SALL3: variants seen among roughly 807,000 people sequenced by gnomAD.
The protein encoded by SALL3 is spalt like transcription factor 3.
In SALL3, 25 loss-of-function variants were observed where a neutral mutation model predicts 66.2. That is an observed-to-expected ratio of 0.38 (90% CI 0.28 to 0.53). The LOEUF (loss-of-function observed/expected upper bound fraction) is 0.53, where lower values mean the gene tolerates loss of function less well. SALL3 is among the 20% of genes least tolerant of loss of function. SALL3 has a pLI of 0.85. For synonymous variants in SALL3, 1,152 were observed against 899.1 expected, an observed-to-expected ratio of 1.28 and a Z score of -5.03; for missense variants, 2,194 against 1,916.5, an observed-to-expected ratio of 1.14 and a Z score of -2.70.
chr18:78,988,795 C>A (rs908810927), intron 1 of SALL3, among the ~76,000 whole-genome samples: 1 of 152,172 alleles, frequency 6.6e-6, no homozygotes, highest in African/African-American at 2.4e-5. Context: ...TTTATACACA[C>A]CTCAATAGAA....
rs1914767343 is a variant in SALL3, at chr18:78,998,280, A to T, written c.*958A>T. 6.6e-6 allele frequency: 1 copy of T among 151,746 alleles called. No individual in the cohort carries two copies. The highest frequency in any genetic ancestry group is 2.4e-5 in the African/African-American group (1 of 40,990). 9.4% of individuals were successfully genotyped at this position (151,746 alleles called of 1,614,324 possible). ...TTTTGTATTAGGGAGGTTTGTCTAT[A>T]ATTTGAAAATTTAAAAAAATGTAAA... On this transcript the variant is annotated 3_prime_UTR_variant, in exon 3 of 3. Coordinates refer to ENST00000537592, the MANE Select transcript of SALL3 (RefSeq NM_171999.4).
chr18:78,981,729 T>TA (rs1475392247), intron 1 of SALL3, among the ~76,000 whole-genome samples: 1 of 152,134 alleles, frequency 6.6e-6, no homozygotes, highest in Non-Finnish European at 1.5e-5. Flanking sequence ...ATATGGTGGG[T>TA]AGATTAAGGA....
chr18:78,989,070 A>T (rs1448564588), intron 1 of SALL3, among the ~76,000 whole-genome samples: 1 of 152,212 alleles, frequency 6.6e-6, no homozygotes, highest in Non-Finnish European at 1.5e-5. Flanking sequence ...TTTTACTTTG[A>T]AAAGAATATC....
Position 78,980,374 on chromosome 18 carries a change from G to T in SALL3, c.82+18G>T. On this transcript the variant is annotated intron_variant, in intron 1 of 2. Transcript: ENST00000537592. ...CGAGCACGGTGAGGGCCGGGGCTGCGGGGTGGCCGGGGGGTCTGGGGCTGC... is the reference window on the plus strand; with the variant it reads ...CGAGCACGGTGAGGGCCGGGGCTGCTGGGTGGCCGGGGGGTCTGGGGCTGC... 7.2e-7 allele frequency: 1 copy of T among 1,390,532 alleles called. No individual in the cohort carries two copies. The highest frequency in any genetic ancestry group is 9.4e-7 in the Non-Finnish European group (1 of 1,061,730). The allele number at this position is 1,390,532 out of a possible 1,614,324, so 86.1% of individuals were successfully genotyped here.
At position 78,994,193 on chromosome 18, in the gene SALL3, C is replaced by T. The variant is rs752301302; in HGVS notation, c.2202C>T (p.Pro734=). ...THFGVHRAKP[P]LRVQHSCPIC... ...TCGGCGTGCACCGTGCAAAGCCGCC[C>T]CTGCGCGTGCAGCACTCCTGCCCCA... The change falls in exon 2 of 3, where the codon CCC becomes CCT. Residue 734 remains proline, a synonymous_variant. Coordinates refer to ENST00000537592, the MANE Select transcript of SALL3 (RefSeq NM_171999.4). The T allele has an allele frequency of 2.0e-5, 33 of 1,613,442 alleles. No individual in the cohort carries two copies. Among genetic ancestry groups the T allele is most frequent in the Non-Finnish European group, 2.7e-5 (32 of 1,179,984 alleles).
chr18:78,994,711 C>T lies in SALL3; in HGVS notation c.2720C>T (p.Pro907Leu). 1 of 1,604,572 alleles carries T rather than the reference C, an allele frequency of 6.2e-7. No individual in the cohort carries two copies. Among genetic ancestry groups the T allele is most frequent in the East Asian group, 2.2e-5 (1 of 44,828 alleles). ...SESSSSQALSPAPSNGESFRS... is the reference protein window; with the variant it reads ...SESSSSQALSLAPSNGESFRS... ...TCCTCGTCCTCGCAGGCCCTGTCGC[C>T]GGCCCCCAGCAATGGTGAGAGCTTC... Residue 907 changes from proline to leucine, a missense_variant, in exon 2 of 3, where the codon CCG becomes CTG. Coordinates refer to ENST00000537592, the MANE Select transcript of SALL3 (RefSeq NM_171999.4).
rs200251281 is a variant in SALL3, at chr18:78,992,212, C to T, written c.221C>T (p.Thr74Ile). The change falls in exon 2 of 3, where the codon ACC (threonine) becomes ATC (isoleucine). Residue 74 changes from threonine (T) to isoleucine (I), a missense_variant. Thr to Ile is a moderately conservative substitution (Grantham distance 89). Coordinates refer to ENST00000537592, the MANE Select transcript of SALL3 (RefSeq NM_171999.4). ...TTCCTGGAGCACCAGCGGAGCTGCA[C>T]CAAGCTCCCGCCCGTGCTGATCGTG... ...ADFLEHQRSC[T>I]KLPPVLIVHE... 5 of 1,609,364 alleles carry T rather than the reference C, an allele frequency of 3.1e-6. No homozygotes were observed. Among genetic ancestry groups the T allele is most frequent in the South Asian group, 1.1e-5 (1 of 90,826 alleles).
In SALL3 at chr18:78,992,216, G is replaced by C. The variant is rs747194422; in HGVS notation, c.225G>C (p.Lys75Asn). ...TGGAGCACCAGCGGAGCTGCACCAAGCTCCCGCCCGTGCTGATCGTGCACG... is the reference window on the plus strand; with the variant it reads ...TGGAGCACCAGCGGAGCTGCACCAACCTCCCGCCCGTGCTGATCGTGCACG... ...DFLEHQRSCT[K>N]LPPVLIVHED... Residue 75 changes from lysine (K) to asparagine (N), a missense_variant, in exon 2 of 3, where the codon AAG (lysine) becomes AAC (asparagine). By Grantham distance (94) the Lys-to-Asn change is moderately conservative. Transcript: ENST00000537592. The C allele has an allele frequency of 6.2e-7, 1 of 1,608,946 alleles. No individual in the cohort carries two copies. The highest frequency in any genetic ancestry group is 1.7e-5 in the Admixed American group (1 of 59,760).
intron 1 of SALL3, among the ~76,000 whole-genome samples, chr18:78,988,573 T>C (rs1952523398): frequency 6.6e-6 from 1 of 152,236 alleles, no homozygotes; most frequent in African/African-American, 2.4e-5. Flanking sequence ...AATAACATTC[T>C]TGAAGTATGC....
Position 78,980,039 on chromosome 18 carries a change from C to T in SALL3, c.-236C>T, listed in dbSNP as rs1386194592. ...CGTCGGCGCGGCCGCTAATTGCGAG[C>T]GCGGCCTCATTTGCATAGGCCGCCG... On this transcript the variant is annotated 5_prime_UTR_variant, in exon 1 of 3. Transcript: ENST00000537592. 6.9e-6 allele frequency among the ~76,000 whole-genome samples: 1 copy of T among 145,936 alleles called. No individual in the cohort carries two copies. The highest frequency in any genetic ancestry group is 1.5e-5 in the Non-Finnish European group (1 of 65,694).
chr18:78,993,761 G>A lies in SALL3; in HGVS notation c.1770G>A (p.Gly590=), dbSNP rs774224204. The A allele has an allele frequency of 2.9e-5, 45 of 1,541,366 alleles. No homozygotes were observed. Among genetic ancestry groups the A allele is most frequent in the Admixed American group, 3.9e-5 (2 of 51,624 alleles). The change falls in exon 2 of 3, where the codon GGG becomes GGA. Residue 590 remains glycine (G), a synonymous_variant. Coordinates refer to ENST00000537592, the MANE Select transcript of SALL3 (RefSeq NM_171999.4). ...TAESPQSLLG[G]PPLTKAEPVS... ...AGTCCCCACAGTCGCTCCTCGGCGG[G>A]CCGCCCCTCACTAAAGCCGAGCCCG...
rs374676281 is a variant in SALL3, at chr18:78,994,421, G to A, written c.2430G>A (p.Glu810=). The change falls in exon 2 of 3, where the codon GAG becomes GAA. Residue 810 remains glutamate (E), a synonymous_variant. Coordinates refer to ENST00000537592, the MANE Select transcript of SALL3 (RefSeq NM_171999.4). ...AGAACTCCATGGAGGACGACGCTGA[G>A]CTGAAGGACGCGGCCACCGACCCGG... The part of the protein sequence containing the change: ...MDENSMEDDA[E]LKDAATDPAK... 2.5e-6 allele frequency: 4 copies of A among 1,612,698 alleles called. No individual in the cohort carries two copies. The African/African-American group carries it at 4.0e-5, about 16-fold the overall frequency.
chr18:78,989,555 T>G (rs1205301815), intron 1 of SALL3, among the ~76,000 whole-genome samples: 2 of 152,218 alleles, frequency 1.3e-5, no homozygotes, highest in African/African-American at 2.4e-5. Flanking sequence ...TTTTTCTCAA[T>G]GAACTGTCCC....
intron 2 of SALL3, among the ~76,000 whole-genome samples, chr18:78,996,554 T>TG (rs1914699531): frequency 6.6e-6 from 1 of 152,208 alleles, no homozygotes; most frequent in African/African-American, 2.4e-5. Flanking sequence ...AGCCAGGGCT[T>TG]GGGCAAGTGA....
rs149076508 is a variant in SALL3, at chr18:78,996,403, C to T, written c.3472-488C>T. On this transcript the variant is annotated intron_variant, in intron 2 of 2. Coordinates refer to ENST00000537592, the MANE Select transcript of SALL3 (RefSeq NM_171999.4). ...GTGCGTGGGCTGGATAAGAACTGCC[C>T]GCAGGGCCTGCTGGCAGGTGGCCCT... is the stretch of plus-strand genomic sequence containing the variant. Among the ~76,000 whole-genome samples the T allele has an allele frequency of 9.5e-3, 1,450 of 152,290 alleles. 13 individuals are homozygous for T. The highest frequency in any genetic ancestry group is 0.011 in the Non-Finnish European group (727 of 68,028).
At chr18:78,996,784 G>A (rs1169734032) in intron 2 of SALL3, 107 bp from the exon 3 acceptor site, 2 of 1,134,976 alleles carry the variant, frequency 1.8e-6, no homozygotes, top group Non-Finnish European at 2.5e-6. Flanking sequence ...TTGTCCGTAA[G>A]TCGCGCTTGG....
Position 78,998,015 on chromosome 18 carries a change from CTT to C in SALL3, c.*710_*711del, listed in dbSNP as rs35983860. 0.71 allele frequency: 98,179 copies of C among 138,766 alleles called. 35,831 individuals are homozygous for C. Among genetic ancestry groups the C allele is most frequent in the East Asian group, 0.88 (4,145 of 4,734 alleles). The allele number at this position is 138,766 out of a possible 1,614,324, so 8.6% of individuals were successfully genotyped here. A position where few individuals can be genotyped will look rare whatever the true frequency, so the allele number is the denominator to read the frequency against. On this transcript the variant is annotated 3_prime_UTR_variant, in exon 3 of 3. Transcript: ENST00000537592. ...GTGCAAGTACCTGTCAGTAATAAGC[CTT>C]TTTTTTTTTTTTTTTTAATTTAAAT...
chr18:78,992,379 G>A lies in SALL3; in HGVS notation c.388G>A (p.Glu130Lys), dbSNP rs1914471367. 3 of 1,330,416 alleles carry A rather than the reference G, an allele frequency of 2.3e-6. No homozygotes were observed. The highest frequency in any genetic ancestry group is 1.6e-5 in the African/African-American group (1 of 63,850). The allele number at this position is 1,330,416 out of a possible 1,614,324, so 82.4% of individuals were successfully genotyped here. The change falls in exon 2 of 3, where the codon GAG becomes AAG. Residue 130 changes from glutamate (E) to lysine (K), a missense_variant. Coordinates refer to ENST00000537592, the MANE Select transcript of SALL3 (RefSeq NM_171999.4). ...GGGCGAGGCCAGGCCGGTGGAGAAG[G>A]AGGCCGAGCCCATGGACGCGGAACC... ...AEGEARPVEK[E>K]AEPMDAEPAG...
At position 78,994,065 on chromosome 18, in the gene SALL3, A is replaced by T; in HGVS notation, c.2074A>T (p.Ser692Cys). 1 of 1,613,022 alleles carries T rather than the reference A, an allele frequency of 6.2e-7. No individual in the cohort carries two copies. ...VICHRVLSCQ[S>C]ALKMHYRTHT... ...CTGCCACCGGGTGCTGAGCTGCCAGAGCGCGCTGAAGATGCACTACCGGAC... is the reference window on the plus strand; with the variant it reads ...CTGCCACCGGGTGCTGAGCTGCCAGTGCGCGCTGAAGATGCACTACCGGAC... The change falls in exon 2 of 3, where the codon AGC becomes TGC. Residue 692 changes from serine (S) to cysteine (C), a missense_variant. Coordinates refer to ENST00000537592, the MANE Select transcript of SALL3 (RefSeq NM_171999.4).
Sources: allele counts gnomAD v4.1 joint callset (sites outside exome capture counted in the v4.1 genomes callset), GRCh38; gene constraint gnomAD v4.1.1; transcripts MANE v1.5; gene names NCBI Gene and HGNC (gene_info 2026-07-23, HGNC 2026-07-21).